The following SAV1 variants were observed in gnomAD, a reference collection of about 807,000 sequenced individuals.
The protein encoded by SAV1 is salvador family WW domain containing protein 1.
SAV1 carries 23 observed loss-of-function variants against 47.3 expected under a neutral mutation model. That is an observed-to-expected ratio of 0.49 (90% CI 0.35 to 0.69). SAV1 has a LOEUF of 0.69. Among genes scored for constraint, SAV1 ranks in the 30% least tolerant of loss-of-function variants. SAV1 has a pLI of 0.01. For synonymous variants in SAV1, 155 were observed against 159.2 expected, an observed-to-expected ratio of 0.97 and a Z score of 0.20; for missense variants, 448 against 457.4, an observed-to-expected ratio of 0.98 and a Z score of 0.19.
chr14:50,648,595 C>T (rs989238222), intron 2 of SAV1, among the ~76,000 whole-genome samples: 3 of 152,020 alleles, frequency 2.0e-5, no homozygotes, highest in South Asian at 4.2e-4. Flanking sequence ...CTGGCTAACA[C>T]GGTGAAACCC....
intron 2 of SAV1, among the ~76,000 whole-genome samples, chr14:50,652,840 G>A (rs1474796535): frequency 6.6e-6 from 1 of 152,184 alleles, no homozygotes; most frequent in African/African-American, 2.4e-5. Context: ...AGACCTGCCT[G>A]GCCAACATGG....
In SAV1 at chr14:50,649,598, T is replaced by G. The variant is rs1018681265; in HGVS notation, c.536-4584A>C. Among the ~76,000 whole-genome samples, 29 of 152,328 alleles carry G rather than the reference T, an allele frequency of 1.9e-4. 1 individual carries two copies. Among genetic ancestry groups the G allele is most frequent in the African/African-American group, 6.5e-4 (27 of 41,572 alleles). On this transcript the variant is annotated intron_variant, in intron 2 of 4. Coordinates refer to ENST00000324679, the MANE Select transcript of SAV1 (RefSeq NM_021818.4). ...TTTATAATCAAGAGAGTAAATCTGT[T>G]AGCCACTAGGCAGCAAATACAGATG...
At chr14:50,663,781 AC>A (rs2039879077) in intron 2 of SAV1, among the ~76,000 whole-genome samples, 1 of 152,168 alleles carries the variant, frequency 6.6e-6, no homozygotes, top group South Asian at 2.1e-4. Flanking sequence ...ATCTTTAAAC[AC>A]TGCTTTCATA....
At chr14:50,655,020 A>G (rs573244827) in intron 2 of SAV1, among the ~76,000 whole-genome samples, 1 of 152,342 alleles carries the variant, frequency 6.6e-6, no homozygotes, top group Non-Finnish European at 1.5e-5. Flanking sequence ...AGATGGTGAC[A>G]ATAAAACAGA....
intron 2 of SAV1, among the ~76,000 whole-genome samples, chr14:50,657,614 C>G (rs2039823963): frequency 1.3e-5 from 2 of 152,242 alleles, no homozygotes; most frequent in South Asian, 4.1e-4. Flanking sequence ...CAATTTTGAT[C>G]CAAATCAGTG....
intron 4 of SAV1, 57 bp from the exon 5 acceptor site, chr14:50,635,441 T>C: frequency 7.4e-7 from 1 of 1,350,818 alleles, no homozygotes; most frequent in Non-Finnish European, 1.0e-6. Context: ...CATGTATTTC[T>C]AGCAAGAAAC....
intron 4 of SAV1, among the ~76,000 whole-genome samples, chr14:50,636,274 G>C (rs1023680438): frequency 6.6e-6 from 1 of 152,108 alleles, no homozygotes; most frequent in Non-Finnish European, 1.5e-5. Flanking sequence ...AAAAATGGAT[G>C]GTCATTTGCA....
intron 2 of SAV1, among the ~76,000 whole-genome samples, chr14:50,657,395 A>T (rs1162219729): frequency 6.6e-6 from 1 of 152,146 alleles, no homozygotes; most frequent in Non-Finnish European, 1.5e-5. Flanking sequence ...CATAGCCAAA[A>T]CTGCTCTAGG....
At position 50,640,707 on chromosome 14, in the gene SAV1, T is replaced by TTCAC. The variant is rs750089109; in HGVS notation, c.950+39_950+42dup. The TTCAC allele has an allele frequency of 1.9e-6, 3 of 1,576,420 alleles. No individual in the cohort carries two copies. In the East Asian group the frequency reaches 6.8e-5, roughly 36 times the overall value. On this transcript the variant is annotated intron_variant, in intron 4 of 4. Transcript: ENST00000324679. ...GCAGCCCAGAGACTCCATTCAGCCCTTCACTCACTCCTCAAACAAATTTGT... is the reference window on the plus strand; with the variant it reads ...GCAGCCCAGAGACTCCATTCAGCCCTTCACTCACTCACTCCTCAAACAAATTTGT...
intron 3 of SAV1, among the ~76,000 whole-genome samples, 185 bp downstream of exon 3, chr14:50,644,559 A>AT (rs140602624): frequency 0.18 from 28,055 of 151,868 alleles, 3,048 homozygotes; most frequent in African/African-American, 0.3. Context: ...AGAGAAAAGT[A>AT]TTTTTTTAAC....
chr14:50,663,102 T>TACG (rs2039873636), intron 2 of SAV1: 1 of 152,216 alleles, frequency 6.6e-6, no homozygotes, highest in South Asian at 2.1e-4. Context: ...AATGGAAGAT[T>TACG]ACGCAGTCAT....
intron 2 of SAV1, among the ~76,000 whole-genome samples, chr14:50,652,660 C>G (rs944316027): frequency 6.6e-6 from 1 of 152,220 alleles, no homozygotes; most frequent in South Asian, 2.1e-4. Context: ...TCAACCAGCT[C>G]ATCTTGGAGA....
chr14:50,660,381 A>G (rs1054694025), intron 2 of SAV1, among the ~76,000 whole-genome samples: 1 of 152,156 alleles, frequency 6.6e-6, no homozygotes, highest in African/African-American at 2.4e-5. Flanking sequence ...CTGCCTTGCA[A>G]TAATTAAACT....
chr14:50,649,072 T>TC (rs953117246), intron 2 of SAV1, among the ~76,000 whole-genome samples: 1 of 152,130 alleles, frequency 6.6e-6, no homozygotes, highest in Non-Finnish European at 1.5e-5. Context: ...TACACTCACC[T>TC]CCTGGATGCT....
chr14:50,662,910 AT>A (rs1346834799), intron 2 of SAV1: 1 of 152,194 alleles, frequency 6.6e-6, no homozygotes, highest in Non-Finnish European at 1.5e-5. Flanking sequence ...TCAGCCATTT[AT>A]TTTTGTGAGC....
intron 2 of SAV1, among the ~76,000 whole-genome samples, chr14:50,659,926 T>C (rs1430818929): frequency 6.6e-6 from 1 of 152,206 alleles, no homozygotes; most frequent in Non-Finnish European, 1.5e-5. Context: ...GAATTTGGAC[T>C]GGCCAAACAG....
chr14:50,656,029 A>G (rs544707796), intron 2 of SAV1, among the ~76,000 whole-genome samples: 1 of 152,172 alleles, frequency 6.6e-6, no homozygotes, highest in Admixed American at 6.5e-5. Flanking sequence ...TGGGCAACAA[A>G]AGTGAAACTC....
At chr14:50,638,324 G>A (rs1022706865) in intron 4 of SAV1, among the ~76,000 whole-genome samples, 15 of 152,236 alleles carry the variant, frequency 9.9e-5, no homozygotes, top group African/African-American at 2.6e-4. Context: ...AAATCATTCC[G>A]AAAATTGGGT....
At chr14:50,637,664 G>GTTTTTTTTTTTTTT (rs373647297) in intron 4 of SAV1, 7 of 58,284 alleles carry the variant, frequency 1.2e-4, no homozygotes, top group African/African-American at 3.0e-4. Context: ...AATTTTGTCA[G>GTTTTTTTTTTTTTT]TTTTTTTTTT....
Sources: allele counts gnomAD v4.1 joint callset (sites outside exome capture counted in the v4.1 genomes callset), GRCh38; gene constraint gnomAD v4.1.1; transcripts MANE v1.5; gene names NCBI Gene and HGNC (gene_info 2026-07-23, HGNC 2026-07-21).